Variants in NSD2 observed in about 807,000 individuals in gnomAD.
NSD2 encodes the protein histone-lysine N-methyltransferase NSD2.
NSD2 carries 12 observed loss-of-function variants against 139.0 expected under a neutral mutation model. The observed-to-expected ratio is 0.09, with a 90% CI of 0.06 to 0.14. The LOEUF (loss-of-function observed/expected upper bound fraction) is 0.14. NSD2 is among the 10% of genes least tolerant of loss of function. NSD2 has a pLI of 1.00. For synonymous variants in NSD2, 669 were observed against 648.7 expected (o/e 1.03, Z -0.48); for missense variants, 1,155 against 1,745.0 (o/e 0.66, Z 6.02).
rs1295598496 is a variant in NSD2 at position 1,962,345 on chromosome 4, TGAG to T, written c.3372+1198_3372+1200del. Among the ~76,000 whole-genome samples the T allele has an allele frequency of 5.3e-5, 8 of 152,294 alleles. No individual in the cohort carries two copies. In the East Asian group the frequency reaches 1.5e-3, roughly 29 times the overall value. ...TCTTGATCAGAGCCTGAATCTGGGA[TGAG>T]GAGCTATAAAGTATGCTTTTGGGGG... On this transcript the variant is annotated intron_variant, in intron 18 of 21. Coordinates refer to ENST00000508803, the MANE Select transcript of NSD2 (RefSeq NM_001042424.3).
At position 1,981,375 on chromosome 4, in the gene NSD2, C is replaced by T. The variant is rs1015664728; in HGVS notation, c.*2466C>T. 2 of 233,314 alleles carry T rather than the reference C, an allele frequency of 8.6e-6. No homozygotes were observed. Among genetic ancestry groups the T allele is most frequent in the South Asian group, 1.8e-4 (1 of 5,534 alleles). The allele number at this position is 233,314 out of a possible 1,614,324, so 14.5% of individuals were successfully genotyped here. On this transcript the variant is annotated 3_prime_UTR_variant, in exon 22 of 22. Coordinates refer to ENST00000508803, the MANE Select transcript of NSD2 (RefSeq NM_001042424.3). ...TGTGACCGTGGGTGTGGCTGGCTCT[C>T]GGCCCTGCCCAGCTTTGTTCTGAGG...
At chr4:1,943,116 T>A in intron 9 of NSD2, 1 of 1,046,864 alleles carries the variant, frequency 9.6e-7, no homozygotes, top group East Asian at 5.6e-5. Flanking sequence ...CCCTCATGTT[T>A]CATTGTCTTA....
intron 5 of NSD2, among the ~76,000 whole-genome samples, chr4:1,922,701 G>A (rs1253482974): frequency 1.3e-5 from 2 of 152,286 alleles, no homozygotes; most frequent in South Asian, 2.1e-4. Context: ...CAAGGCAGGC[G>A]GATCACCGGA....
At chr4:1,938,932 G>C (rs955913740) in intron 8 of NSD2, among the ~76,000 whole-genome samples, 4 of 152,042 alleles carry the variant, frequency 2.6e-5, no homozygotes, top group African/African-American at 9.7e-5. Flanking sequence ...GTAAGGGCTC[G>C]TTATTTATAT....
At chr4:1,920,116 G>T (rs1284660164) in intron 5 of NSD2, among the ~76,000 whole-genome samples, 2 of 152,082 alleles carry the variant, frequency 1.3e-5, no homozygotes, top group Non-Finnish European at 2.9e-5. Context: ...GTCCCTATAT[G>T]GGATCTGGAA....
At position 1,962,001 on chromosome 4, in the gene NSD2, A is replaced by G. The variant is rs115484121; in HGVS notation, c.3372+850A>G. 4.7e-3 allele frequency among the ~76,000 whole-genome samples: 723 copies of G among 152,386 alleles called. 4 individuals carry two copies. The highest frequency in any genetic ancestry group is 0.016 in the African/African-American group (677 of 41,592). On this transcript the variant is annotated intron_variant, in intron 18 of 21. Transcript: ENST00000508803. ...AGATTAATAGTAGTGCTTGAAAACCAGATAGAAAATGATCACCGATAAAAA... is the reference window on the plus strand; with the variant it reads ...AGATTAATAGTAGTGCTTGAAAACCGGATAGAAAATGATCACCGATAAAAA...
chr4:1,938,388 C>CTTTTTTTTTTTTTTTTTTTTTTTT, intron 7 of NSD2, 63 bp from the exon 8 acceptor site: 4 of 1,129,860 alleles, frequency 3.5e-6, no homozygotes, highest in Admixed American at 4.5e-5. Flanking sequence ...TTTTTTTTTC[C>CTTTTTTTTTTTTTTTTTTTTTTTT]TTTTTTTCTT....
At chr4:1,952,994 C>T (rs1724436877) in intron 11 of NSD2, 1 of 1,437,606 alleles carries the variant, frequency 7.0e-7, no homozygotes, top group Non-Finnish European at 9.1e-7. Flanking sequence ...TGGCCAGCTG[C>T]TCTCAAGGAG....
At chr4:1,938,394 TTCTTTTCTTTTTTTTTTCTTTC>T in intron 7 of NSD2, 35 bp from the exon 8 acceptor site, 1 of 1,292,278 alleles carries the variant, frequency 7.7e-7, no homozygotes, top group South Asian at 1.8e-5. Flanking sequence ...TTTCCTTTTT[TTCTTTTCTTTTTTTTTTCTTTC>T]TTTTTTTTTT....
At chr4:1,978,616 C>T (rs1296146334) in intron 21 of NSD2, 22 bp from the exon 22 acceptor site, 2 of 1,586,628 alleles carry the variant, frequency 1.3e-6, no homozygotes, top group Non-Finnish European at 1.7e-6. Flanking sequence ...TCTGTGTGCT[C>T]ACATCTTGTG....
chr4:1,935,349 T>C (rs962361208), intron 7 of NSD2, 87 bp downstream of exon 7: 16 of 1,013,842 alleles, frequency 1.6e-5, no homozygotes, highest in African/African-American at 3.2e-5. Context: ...GGAGCACACA[T>C]GAGATGCAGG....
intron 11 of NSD2, 64 bp from the exon 12 acceptor site, chr4:1,953,260 G>A (rs752188446): frequency 1.2e-6 from 2 of 1,613,706 alleles, no homozygotes; most frequent in East Asian, 4.5e-5. Context: ...TAGTGGCTCA[G>A]AACTGCAATT....
Position 1,942,468 on chromosome 4 carries a change from A to C in NSD2, c.1881+2690A>C. The C allele has an allele frequency of 6.4e-7, 1 of 1,550,750 alleles. No homozygotes were observed. Among genetic ancestry groups the C allele is most frequent in the Non-Finnish European group, 8.7e-7 (1 of 1,147,708 alleles). ...ATCGTACACACTCAGTGACATTTCT[A>C]TCACAATCATTTTATGGAAGATGTG... On this transcript the variant is annotated intron_variant, in intron 9 of 21. Transcript: ENST00000508803. This position sits in a 1 kb window ranked among gnomAD's most constrained non-coding sequence, Gnocchi z 4.0.
At chr4:1,924,354 C>T (rs1226798646) in intron 5 of NSD2, among the ~76,000 whole-genome samples, 7 of 151,906 alleles carry the variant, frequency 4.6e-5, no homozygotes, top group South Asian at 2.1e-4. Flanking sequence ...CAGGGTAAGG[C>T]GGTGTCGGGT....
chr4:1,931,924 T>C (rs1190965091), intron 6 of NSD2, among the ~76,000 whole-genome samples: 4 of 152,210 alleles, frequency 2.6e-5, no homozygotes, highest in African/African-American at 9.7e-5. Flanking sequence ...TGAAGCCAGA[T>C]TCAGCTTACC....
chr4:1,909,815 A>G lies in NSD2; in HGVS notation c.760+5437A>G, dbSNP rs559386543. ...ACCACTATGCCCAGCTAATTTTTGT[A>G]TTTTTAGTAGAGCTGGGGTTTCACC... is the stretch of plus-strand genomic sequence containing the variant. On this transcript the variant is annotated intron_variant, in intron 3 of 21. Coordinates refer to ENST00000508803, the MANE Select transcript of NSD2 (RefSeq NM_001042424.3). 3.3e-5 allele frequency among the ~76,000 whole-genome samples: 5 copies of G among 151,312 alleles called. No individual in the cohort carries two copies. The East Asian group carries it at 9.8e-4, about 30-fold the overall frequency.
At chr4:1,874,262 TAGTA>T (rs1371764755) in intron 1 of NSD2, among the ~76,000 whole-genome samples, 5 of 152,208 alleles carry the variant, frequency 3.3e-5, no homozygotes, top group South Asian at 2.1e-4. Context: ...TGCTTGATTG[TAGTA>T]AGTGTGACCT....
In NSD2 at chr4:1,883,282, G is replaced by A. The variant is rs148459472; in HGVS notation, c.-30+11740G>A. 3.7e-3 allele frequency among the ~76,000 whole-genome samples: 568 copies of A among 152,228 alleles called. 4 individuals are homozygous for A. The highest frequency in any genetic ancestry group is 0.013 in the African/African-American group (547 of 41,546). ...AAATTTGTGGACTTCCTTAGCTCAA[G>A]TAACAGTTTCTCAATGAACCCCACC... On this transcript the variant is annotated intron_variant, in intron 1 of 21. Transcript: ENST00000508803.
intron 9 of NSD2, chr4:1,947,969 T>C: frequency 9.5e-7 from 1 of 1,056,876 alleles, no homozygotes; most frequent in South Asian, 4.6e-5. Context: ...CACGTGCTTT[T>C]AGCAGTTGGC....
Sources: allele counts gnomAD v4.1 joint callset (sites outside exome capture counted in the v4.1 genomes callset), GRCh38; gene constraint gnomAD v4.1.1; non-coding constraint Gnocchi (gnomAD v3.1); transcripts MANE v1.5; gene names NCBI Gene and HGNC (gene_info 2026-07-23, HGNC 2026-07-21).